The following FAAH2 variants were observed in gnomAD, a reference collection of about 807,000 sequenced individuals.
FAAH2 encodes fatty acid amide hydrolase 2, also known as fatty-acid amide hydrolase 2.
In FAAH2, 60 loss-of-function variants were observed where a neutral mutation model predicts 36.9. That is an observed-to-expected ratio of 1.63 (90% CI 1.32 to 2.02). The LOEUF is 2.02. Ranked by LOEUF, FAAH2 falls within the 30% of genes most tolerant of loss-of-function variation. The pLI is 0.00. For synonymous variants in FAAH2, 214 were observed against 143.8 expected (o/e 1.49, Z -3.49); for missense variants, 689 against 397.5 (o/e 1.73, Z -6.23).
chrX:57,242,318 G>T, the FAAH2 span, among the ~76,000 whole-genome samples: 2 of 112,489 alleles, frequency 1.8e-5, no homozygotes, highest in African/African-American at 6.5e-5. Context: ...GGCAAACAGG[G>T]TCTGGAGTGG....
At chrX:57,133,550 A>G in the FAAH2 span, among the ~76,000 whole-genome samples, 1 of 110,934 alleles carries the variant, frequency 9.0e-6, no homozygotes, top group African/African-American at 3.3e-5. Flanking sequence ...ACTGAGACCT[A>G]CCTAAGGCCC....
intron 10 of FAAH2, among the ~76,000 whole-genome samples, chrX:57,481,965 A>T (rs2057387830): frequency 9.0e-6 from 1 of 111,711 alleles, no homozygotes; most frequent in African/African-American, 3.3e-5. Context: ...ACTGAGGAAG[A>T]ATCTAGGGAT....
chrX:57,139,119 A>G, the FAAH2 span, among the ~76,000 whole-genome samples: 1 of 112,231 alleles, frequency 8.9e-6, no homozygotes, highest in Non-Finnish European at 1.9e-5. Flanking sequence ...TACTCAAGAA[A>G]TCGTTGCTCA....
intron 5 of FAAH2, among the ~76,000 whole-genome samples, chrX:57,365,699 C>A (rs1260100325): frequency 1.8e-5 from 2 of 111,992 alleles, no homozygotes; most frequent in African/African-American, 6.5e-5. Flanking sequence ...GCCATTCAGT[C>A]TGAGGTTCTG....
At chrX:57,438,732 C>T (rs988355096) in intron 8 of FAAH2, among the ~76,000 whole-genome samples, 3 of 102,852 alleles carry the variant, frequency 2.9e-5, no homozygotes, top group Non-Finnish European at 4.0e-5. Context: ...GGTGTATCTC[C>T]TAATGCTATC....
At chrX:57,341,140 T>C in intron 4 of FAAH2, 131 bp from the exon 5 acceptor site, 1 of 559,106 alleles carries the variant, frequency 1.8e-6, no homozygotes, top group Non-Finnish European at 2.6e-6. Context: ...GATCTAAATA[T>C]ATGCTGTGAA....
the FAAH2 span, among the ~76,000 whole-genome samples, chrX:57,163,122 G>T: frequency 8.9e-6 from 1 of 111,962 alleles, no homozygotes; most frequent in Non-Finnish European, 1.9e-5. Context: ...ACCCTGCCCT[G>T]TGAGGTGTCA....
intron 8 of FAAH2, among the ~76,000 whole-genome samples, chrX:57,439,685 G>A (rs140531276): frequency 0.027 from 3,037 of 111,732 alleles, 96 homozygotes; most frequent in African/African-American, 0.094. Flanking sequence ...ACATGCCTAT[G>A]TCCTGAATGG....
chrX:57,360,421 T>A (rs1175190701), intron 5 of FAAH2, among the ~76,000 whole-genome samples: 2 of 110,195 alleles, frequency 1.8e-5, no homozygotes, highest in Non-Finnish European at 3.8e-5. Flanking sequence ...ATTTTAAGGT[T>A]TGCTAATTAT....
the FAAH2 span, among the ~76,000 whole-genome samples, chrX:57,264,537 T>A: frequency 1.8e-5 from 2 of 112,463 alleles, no homozygotes; most frequent in Non-Finnish European, 3.8e-5. Flanking sequence ...AAATAACAGA[T>A]GATGGTGAGT....
At chrX:57,199,461 G>A in the FAAH2 span, among the ~76,000 whole-genome samples, 4 of 111,004 alleles carry the variant, frequency 3.6e-5, no homozygotes, top group Non-Finnish European at 5.7e-5. Flanking sequence ...ATATTATCTC[G>A]ATTTTTTGAA....
the FAAH2 span, among the ~76,000 whole-genome samples, chrX:57,249,041 C>CT: frequency 3.6e-5 from 4 of 110,482 alleles, no homozygotes; most frequent in South Asian, 7.6e-4. Flanking sequence ...ACATAGAGTG[C>CT]TTTTGTGATG....
At chrX:57,436,944 G>C (rs2056423161) in intron 8 of FAAH2, among the ~76,000 whole-genome samples, 1 of 110,864 alleles carries the variant, frequency 9.0e-6, no homozygotes, top group South Asian at 3.8e-4. Flanking sequence ...AAAAACTACA[G>C]ATCAGTAGTC....
At chrX:57,210,227 C>T in the FAAH2 span, among the ~76,000 whole-genome samples, 2 of 111,242 alleles carry the variant, frequency 1.8e-5, no homozygotes, top group African/African-American at 6.5e-5. Context: ...TCTGTGTAGA[C>T]TTCTAGTCTG....
chrX:57,396,143 T>G (rs1291388071), intron 7 of FAAH2, among the ~76,000 whole-genome samples: 1 of 111,502 alleles, frequency 9.0e-6, no homozygotes, highest in Non-Finnish European at 1.9e-5. Flanking sequence ...TCTCTGATGA[T>G]CTTTTCTGTT....
At chrX:57,276,952 A>C in the FAAH2 span, among the ~76,000 whole-genome samples, 1 of 111,521 alleles carries the variant, frequency 9.0e-6, no homozygotes, top group Non-Finnish European at 1.9e-5. Context: ...CAACCAAAAA[A>C]AGTCCAGGAT....
At chrX:57,393,844 C>G in intron 7 of FAAH2, 1 of 918,467 alleles carries the variant, frequency 1.1e-6, no homozygotes, top group Non-Finnish European at 1.6e-6. Flanking sequence ...CATTGGTATT[C>G]AACACTCTTT....
At chrX:57,330,500 C>A (rs1318117017) in intron 3 of FAAH2, among the ~76,000 whole-genome samples, 1 of 111,399 alleles carries the variant, frequency 9.0e-6, no homozygotes, top group Admixed American at 9.5e-5. Context: ...TAATTTTGCC[C>A]CGGTCCTGAG....
At chrX:57,379,982 T>C (rs2054797681) in intron 6 of FAAH2, among the ~76,000 whole-genome samples, 1 of 110,988 alleles carries the variant, frequency 9.0e-6, no homozygotes, top group Non-Finnish European at 1.9e-5. Flanking sequence ...TTTTAATTTT[T>C]GTGGGTACCT....
Sources: allele counts gnomAD v4.1 joint callset (sites outside exome capture counted in the v4.1 genomes callset), GRCh38; gene constraint gnomAD v4.1.1; transcripts MANE v1.5; gene names NCBI Gene and HGNC (gene_info 2026-07-23, HGNC 2026-07-21).